NBEA: variants seen among roughly 807,000 people sequenced by gnomAD.
NBEA encodes the protein lysosomal-trafficking regulator 2.
In NBEA, 44 loss-of-function variants were observed where a neutral mutation model predicts 343.4. The ratio of observed to expected loss-of-function variants is 0.13; its 90% CI spans 0.10 to 0.16. The LOEUF is 0.16. Among genes scored for constraint, NBEA ranks in the 10% least tolerant of loss-of-function variants. The pLI is 1.00. For missense variants in NBEA, 2,555 were observed against 3,631.3 expected (o/e 0.70, Z 7.62); for synonymous variants, 1,175 against 1,238.7 (o/e 0.95, Z 1.08).
chr13:35,523,328 C>G (rs1594876579), intron 41 of NBEA, among the ~76,000 whole-genome samples: 1 of 152,118 alleles, frequency 6.6e-6, no homozygotes, highest in Non-Finnish European at 1.5e-5. Context: ...ATTCTCATGC[C>G]CATTTCTGAC....
At chr13:35,092,844 C>T (rs963275069) in intron 10 of NBEA, among the ~76,000 whole-genome samples, 2 of 151,960 alleles carry the variant, frequency 1.3e-5, no homozygotes, top group African/African-American at 4.8e-5. Context: ...TACTCCTCGG[C>T]ATTTATTTAT....
chr13:35,199,735 GA>G (rs2072883382), intron 31 of NBEA, among the ~76,000 whole-genome samples: 1 of 151,988 alleles, frequency 6.6e-6, no homozygotes, highest in African/African-American at 2.4e-5. Context: ...TCAGTGTTTT[GA>G]AGTTTATAAT....
chr13:35,392,765 G>C (rs925319041), intron 38 of NBEA, among the ~76,000 whole-genome samples: 62 of 152,116 alleles, frequency 4.1e-4, no homozygotes, highest in African/African-American at 1.4e-3. Flanking sequence ...GTTGAAGTCA[G>C]GTCTTTGAAT....
chr13:35,051,989 G>T (rs1461568004), intron 6 of NBEA, among the ~76,000 whole-genome samples: 1 of 151,896 alleles, frequency 6.6e-6, no homozygotes, highest in African/African-American at 2.4e-5. Context: ...TCTATTTTGT[G>T]TCTTCTTCAC....
intron 33 of NBEA, among the ~76,000 whole-genome samples, chr13:35,223,111 G>A (rs772319605): frequency 1.3e-5 from 2 of 152,152 alleles, no homozygotes; most frequent in East Asian, 3.8e-4. Context: ...TAGCCTGGGC[G>A]ACAGAGTGCG....
chr13:35,495,358 C>A (rs1169495585), intron 41 of NBEA, among the ~76,000 whole-genome samples: 1 of 151,712 alleles, frequency 6.6e-6, no homozygotes, highest in Non-Finnish European at 1.5e-5. Context: ...AACAACAAAG[C>A]CCAATGTCCA....
At position 35,628,188 on chromosome 13, in the gene NBEA, C is replaced by T; in HGVS notation, c.7557C>T (p.His2519=). 1 of 1,613,220 alleles carries T rather than the reference C, an allele frequency of 6.2e-7. No homozygotes were observed. Among genetic ancestry groups the T allele is most frequent in the African/African-American group, 1.3e-5 (1 of 75,028 alleles). Residue 2519 remains histidine (H), a synonymous_variant, in exon 49 of 59, where the codon CAC becomes CAT. Coordinates refer to ENST00000379939, the MANE Select transcript of NBEA (RefSeq NM_001385012.1). ...PEAVRALNVF[H]YLTYEGSVNL... is the part of the protein sequence containing the mutation. ...CAGTTCGTGCTCTGAATGTTTTTCA[C>T]TACTTGACTTATGAAGGCTCTGTGA...
intron 1 of NBEA, among the ~76,000 whole-genome samples, chr13:34,971,445 A>C (rs377189585): frequency 6.6e-6 from 1 of 152,138 alleles, no homozygotes; most frequent in East Asian, 1.9e-4. Context: ...TTCAAGGGGA[A>C]TACTTCCAGC....
At chr13:35,103,288 C>G (rs1381836052) in intron 11 of NBEA, among the ~76,000 whole-genome samples, 2 of 151,776 alleles carry the variant, frequency 1.3e-5, no homozygotes, top group Admixed American at 1.3e-4. Flanking sequence ...GTCTTTGTCA[C>G]CAGTGGCCTT....
Position 35,349,171 on chromosome 13 carries a change from G to T in NBEA, c.5967G>T (p.Leu1989Phe). 6.2e-7 allele frequency: 1 copy of T among 1,606,700 alleles called. No individual in the cohort carries two copies. Among genetic ancestry groups the T allele is most frequent in the South Asian group, 1.1e-5 (1 of 89,830 alleles). ...VRVANEAEFI[L>F]NRQRAEDVHK... Reference sequence around the variant, plus strand: ...TTGCAAATGAAGCTGAGTTTATTTTGAACAGACAAAGAGCCGAGGATGTAC... The same window carrying T: ...TTGCAAATGAAGCTGAGTTTATTTTTAACAGACAAAGAGCCGAGGATGTAC... Residue 1989 changes from leucine (L) to phenylalanine (F), a missense_variant, in exon 37 of 59, where the codon TTG becomes TTT. Leu to Phe is a conservative substitution (Grantham distance 22). Coordinates refer to ENST00000379939, the MANE Select transcript of NBEA (RefSeq NM_001385012.1).
At chr13:35,195,390 C>CTTTTTGTTTTTT in intron 30 of NBEA, among the ~76,000 whole-genome samples, 1 of 150,886 alleles carries the variant, frequency 6.6e-6, no homozygotes, top group Non-Finnish European at 1.5e-5. Flanking sequence ...TGGATGATAT[C>CTTTTTGTTTTTT]TTTTTGTTTT....
At chr13:35,536,020 G>A (rs996751203) in intron 41 of NBEA, among the ~76,000 whole-genome samples, 1 of 152,112 alleles carries the variant, frequency 6.6e-6, no homozygotes, top group African/African-American at 2.4e-5. Context: ...TTCAGGAGAC[G>A]GTGATGCTGA....
intron 18 of NBEA, among the ~76,000 whole-genome samples, 198 bp downstream of exon 18, chr13:35,142,575 T>C (rs7986261): frequency 0.37 from 55,812 of 152,004 alleles, 10,464 homozygotes; most frequent in African/African-American, 0.41. Flanking sequence ...TTTTGCCAAT[T>C]TCTTTATGTC....
intron 44 of NBEA, among the ~76,000 whole-genome samples, chr13:35,561,948 T>C (rs2079876008): frequency 1.3e-5 from 2 of 152,194 alleles, no homozygotes; most frequent in African/African-American, 4.8e-5. Context: ...TATAGAAAAT[T>C]GGAAATACAA....
intron 56 of NBEA, 64 bp from the exon 57 acceptor site, chr13:35,667,310 G>T (rs2085407197): frequency 7.3e-7 from 1 of 1,374,842 alleles, no homozygotes; most frequent in African/African-American, 1.4e-5. Flanking sequence ...TTTCAGGTTG[G>T]TGGGAGCTAG....
chr13:35,492,764 T>A (rs1392220259), intron 41 of NBEA, among the ~76,000 whole-genome samples: 2 of 151,930 alleles, frequency 1.3e-5, no homozygotes, highest in Non-Finnish European at 2.9e-5. Context: ...TGGTGGATTA[T>A]ACAACTAGGC....
intron 27 of NBEA, among the ~76,000 whole-genome samples, chr13:35,175,030 A>T (rs538121511): frequency 2.4e-4 from 37 of 152,010 alleles, no homozygotes; most frequent in African/African-American, 8.9e-4. Context: ...TGACCTCATG[A>T]TCACTCACCT....
At chr13:35,281,474 A>C (rs537115496) in intron 34 of NBEA, among the ~76,000 whole-genome samples, 1 of 152,268 alleles carries the variant, frequency 6.6e-6, no homozygotes, top group South Asian at 2.1e-4. Context: ...GTGCTTTTGG[A>C]AGTAAGTGAG....
intron 48 of NBEA, among the ~76,000 whole-genome samples, chr13:35,625,676 AACCTCC>A (rs1237376738): frequency 1.3e-5 from 2 of 151,934 alleles, no homozygotes; most frequent in Admixed American, 1.3e-4. Flanking sequence ...TAAAGACAAG[AACCTCC>A]AGTGTTTAAA....
Sources: gnomAD v4.1 joint callset for allele counts (sites outside exome capture counted in the v4.1 genomes callset) on GRCh38, gnomAD v4.1.1 for gene constraint, MANE v1.5 for transcripts, NCBI Gene and HGNC (gene_info 2026-07-23, HGNC 2026-07-21) for gene names.